LDAH: variants seen among roughly 807,000 people sequenced by gnomAD.
LDAH encodes the protein lipid droplet associated hydrolase, also known as lipid droplet-associated hydrolase.
LDAH carries 26 observed loss-of-function variants against 29.6 expected under a neutral mutation model. The observed-to-expected ratio is 0.88, with a 90% CI of 0.64 to 1.22. The LOEUF (loss-of-function observed/expected upper bound fraction) is 1.22, where lower values mean the gene tolerates loss of function less well. LDAH is among the 50% of genes most tolerant of loss of function. The pLI is 0.00. For synonymous variants in LDAH, 117 were observed against 133.0 expected, an observed-to-expected ratio of 0.88 and a Z score of 0.83; for missense variants, 344 against 387.3, an observed-to-expected ratio of 0.89 and a Z score of 0.94.
At position 20,801,880 on chromosome 2, in the gene LDAH, C is replaced by T. The variant is rs1671693759; in HGVS notation, c.-2-415G>A. ...AGAAGAGTAAGAGGGACAATGAACT[C>T]CCTATGGTCTCTTATTTCCTCATAT... On this transcript the variant is annotated intron_variant, in intron 1 of 6. Coordinates refer to ENST00000237822, the MANE Select transcript of LDAH (RefSeq NM_021925.4). 4.0e-5 allele frequency among the ~76,000 whole-genome samples: 6 copies of T among 151,888 alleles called. No homozygotes were observed. The South Asian group carries it at 1.2e-3, about 32-fold the overall frequency.
In LDAH at chr2:20,693,150, G is replaced by C. The variant is rs527720639; in HGVS notation, c.787-6056C>G. Among the ~76,000 whole-genome samples the C allele has an allele frequency of 2.6e-4, 40 of 152,180 alleles. No individual in the cohort carries two copies. The South Asian group carries it at 8.1e-3, about 31-fold the overall frequency. On this transcript the variant is annotated intron_variant, in intron 6 of 6. Coordinates refer to ENST00000237822, the MANE Select transcript of LDAH (RefSeq NM_021925.4). ...GACAGAACTAGTTACCTGTGGGCTA[G>C]TGCTGAGGACTGGAAAACAAAGTGT... is the stretch of plus-strand genomic sequence containing the variant.
chr2:20,713,135 GA>G (rs1418250011), intron 5 of LDAH, among the ~76,000 whole-genome samples: 2 of 152,214 alleles, frequency 1.3e-5, no homozygotes, highest in Non-Finnish European at 2.9e-5. Context: ...AGGGCAGCCA[GA>G]GAGAAAGGTC....
At chr2:20,732,166 AAT>A (rs1666456927) in intron 5 of LDAH, among the ~76,000 whole-genome samples, 1 of 152,130 alleles carries the variant, frequency 6.6e-6, no homozygotes, top group African/African-American at 2.4e-5. Flanking sequence ...TTAGCCTGTT[AAT>A]ATGTTAGATT....
intron 4 of LDAH, among the ~76,000 whole-genome samples, chr2:20,765,543 T>A (rs1228207511): frequency 1.3e-5 from 2 of 152,214 alleles, no homozygotes; most frequent in African/African-American, 4.8e-5. Context: ...TCACAATGAT[T>A]TTGCTTTCTC....
rs1329849481 is a variant in LDAH, at chr2:20,773,751, A to C, written c.468+1059T>G. On this transcript the variant is annotated intron_variant, in intron 4 of 6. Coordinates refer to ENST00000237822, the MANE Select transcript of LDAH (RefSeq NM_021925.4). ...ATTACGAATAAGAAGCAAGCAGGTG[A>C]AGCTGGCAAGAAAAGGAGCGAGTGC... 2.0e-5 allele frequency among the ~76,000 whole-genome samples: 3 copies of C among 152,344 alleles called. No individual in the cohort carries two copies. In the East Asian group the frequency reaches 5.8e-4, roughly 29 times the overall value.
intron 1 of LDAH, among the ~76,000 whole-genome samples, chr2:20,821,946 T>C (rs1673344615): frequency 6.6e-6 from 1 of 152,264 alleles, no homozygotes; most frequent in South Asian, 2.1e-4. Flanking sequence ...TCTTTAACCT[T>C]CAGGTGGAAA....
chr2:20,730,742 C>CT (rs1666343806), intron 5 of LDAH, among the ~76,000 whole-genome samples: 1 of 152,026 alleles, frequency 6.6e-6, no homozygotes, highest in South Asian at 2.1e-4. Context: ...TCTCCTTCTT[C>CT]TTTTTTTCTT....
chr2:20,760,123 G>C (rs533235531), intron 4 of LDAH, among the ~76,000 whole-genome samples: 1 of 152,224 alleles, frequency 6.6e-6, no homozygotes, highest in African/African-American at 2.4e-5. Flanking sequence ...GGTGGGGAGA[G>C]AAGTAATGTT....
intron 1 of LDAH, among the ~76,000 whole-genome samples, chr2:20,811,585 C>T (rs556604820): frequency 1.3e-3 from 204 of 151,866 alleles, no homozygotes; most frequent in African/African-American, 3.7e-3. Context: ...CCGGGGTTCA[C>T]GCCATTCTCC....
At chr2:20,765,756 C>T (rs1668988471) in intron 4 of LDAH, among the ~76,000 whole-genome samples, 1 of 152,080 alleles carries the variant, frequency 6.6e-6, no homozygotes, top group African/African-American at 2.4e-5. Context: ...CTCTCAGCCT[C>T]GTGGTCTCAG....
intron 4 of LDAH, among the ~76,000 whole-genome samples, chr2:20,762,723 T>G (rs1026294911): frequency 9.2e-5 from 14 of 152,354 alleles, no homozygotes; most frequent in African/African-American, 2.9e-4. Context: ...TTTGCATCTT[T>G]GAGAACTTGC....
At chr2:20,802,216 C>T (rs923986617) in intron 1 of LDAH, among the ~76,000 whole-genome samples, 2 of 151,918 alleles carry the variant, frequency 1.3e-5, no homozygotes, top group Non-Finnish European at 2.9e-5. Flanking sequence ...CGTACCACCA[C>T]GCCTGGCTAA....
chr2:20,755,959 C>T (rs1668311548), intron 4 of LDAH, among the ~76,000 whole-genome samples: 1 of 152,124 alleles, frequency 6.6e-6, no homozygotes, highest in Non-Finnish European at 1.5e-5. Context: ...TCCAAATTAC[C>T]CTGTAGTACA....
intron 3 of LDAH, among the ~76,000 whole-genome samples, chr2:20,785,594 T>A (rs1670490302): frequency 6.6e-6 from 1 of 152,234 alleles, no homozygotes; most frequent in South Asian, 2.1e-4. Flanking sequence ...CATTAAGTAC[T>A]TCAACTCTTA....
chr2:20,682,891 G>T (rs1662356535), downstream of LDAH, among the ~76,000 whole-genome samples: 1 of 152,200 alleles, frequency 6.6e-6, no homozygotes, highest in African/African-American at 2.4e-5. Flanking sequence ...GAACATCACA[G>T]GATTGGGAGG....
chr2:20,795,945 C>CCA (rs57619975), intron 2 of LDAH, among the ~76,000 whole-genome samples: 2,138 of 141,974 alleles, frequency 0.015, 27 homozygotes, highest in African/African-American at 0.035. Flanking sequence ...CCGAAACCTG[C>CCA]CACACACACA....
chr2:20,776,193 C>A (rs747853609), intron 3 of LDAH, among the ~76,000 whole-genome samples: 16 of 152,132 alleles, frequency 1.1e-4, no homozygotes, highest in Non-Finnish European at 2.2e-4. Flanking sequence ...GCACCCCAAA[C>A]TCAGAAAAAC....
At position 20,684,631 on chromosome 2, in the gene LDAH, G is replaced by C. The variant is rs1405818276; in HGVS notation, c.*2272C>G. 2 of 378,224 alleles carry C rather than the reference G, an allele frequency of 5.3e-6. No homozygotes were observed. Among genetic ancestry groups the C allele is most frequent in the African/African-American group, 4.1e-5 (2 of 48,230 alleles). The allele number at this position is 378,224 out of a possible 1,614,324, so 23.4% of individuals were successfully genotyped here. A position where few individuals can be genotyped will look rare whatever the true frequency, so the allele number is the denominator to read the frequency against. On this transcript the variant is annotated 3_prime_UTR_variant, in exon 7 of 7. Coordinates refer to ENST00000237822, the MANE Select transcript of LDAH (RefSeq NM_021925.4). Reference sequence around the variant, plus strand: ...GGTTGAGTGGAGAAGCGTATGGTGAGAGGCCCTTGGTGGCCATGGACATCA... The same window carrying C: ...GGTTGAGTGGAGAAGCGTATGGTGACAGGCCCTTGGTGGCCATGGACATCA...
chr2:20,795,257 C>T (rs969919839), intron 2 of LDAH, among the ~76,000 whole-genome samples: 1 of 152,160 alleles, frequency 6.6e-6, no homozygotes, highest in South Asian at 2.1e-4. Flanking sequence ...CTATACAATG[C>T]TGCAAGTATA....
Sources: allele counts gnomAD v4.1 joint callset (sites outside exome capture counted in the v4.1 genomes callset), GRCh38; gene constraint gnomAD v4.1.1; transcripts MANE v1.5; gene names NCBI Gene and HGNC (gene_info 2026-07-23, HGNC 2026-07-21).